Variants in SNX7 observed in about 807,000 individuals in gnomAD.
The protein encoded by SNX7 is sorting nexin-7.
SNX7 carries 35 observed loss-of-function variants against 48.4 expected under a neutral mutation model. The ratio of observed to expected loss-of-function variants is 0.72; its 90% CI spans 0.55 to 0.96. The LOEUF is 0.96. SNX7 is among the 40% of genes least tolerant of loss of function. The pLI, the probability that SNX7 is intolerant of heterozygous loss-of-function variation, is 0.00. For missense variants in SNX7, 553 were observed against 548.9 expected, an observed-to-expected ratio of 1.01 and a Z score of -0.07; for synonymous variants, 190 against 190.2, an observed-to-expected ratio of 1.00 and a Z score of 0.01.
chr1:98,667,924 AAAAAC>A (rs1304564650), intron 1 of SNX7, among the ~76,000 whole-genome samples: 3 of 151,904 alleles, frequency 2.0e-5, no homozygotes, highest in Non-Finnish European at 2.9e-5. Context: ...AAAAAACAAA[AAAAAC>A]AAAACAAACA....
intron 7 of SNX7, among the ~76,000 whole-genome samples, chr1:98,725,201 T>C (rs185669845): frequency 1.1e-3 from 169 of 152,334 alleles, no homozygotes; most frequent in African/African-American, 3.8e-3. Context: ...AATTTAAAAA[T>C]GGTTTAATCT....
At chr1:98,735,146 A>G (rs1653710939) in intron 7 of SNX7, among the ~76,000 whole-genome samples, 1 of 152,144 alleles carries the variant, frequency 6.6e-6, no homozygotes, top group African/African-American at 2.4e-5. Context: ...ACTTGGATGG[A>G]CAGCACAGTC....
chr1:98,716,118 T>C (rs1652576714), intron 7 of SNX7, among the ~76,000 whole-genome samples: 1 of 152,158 alleles, frequency 6.6e-6, no homozygotes, highest in Non-Finnish European at 1.5e-5. Context: ...CTTATTTGAT[T>C]AATCCCCCTG....
At chr1:98,662,258 G>A (rs1052001930) in intron 1 of SNX7, 2 of 184,300 alleles carry the variant, frequency 1.1e-5, no homozygotes. Flanking sequence ...CTGGGAGGCT[G>A]GTGGCTCAAA....
At chr1:98,735,184 C>T (rs1306784239) in intron 7 of SNX7, among the ~76,000 whole-genome samples, 1 of 151,970 alleles carries the variant, frequency 6.6e-6, no homozygotes. Flanking sequence ...TACCAAAGAA[C>T]GTAGTAAAAT....
chr1:98,703,411 C>A (rs1020315631), intron 7 of SNX7, among the ~76,000 whole-genome samples: 5 of 152,068 alleles, frequency 3.3e-5, no homozygotes, highest in African/African-American at 1.2e-4. Context: ...ATTACTCTCA[C>A]GTTTCTTGAC....
At chr1:98,713,925 A>G (rs935577261) in intron 7 of SNX7, among the ~76,000 whole-genome samples, 1 of 152,212 alleles carries the variant, frequency 6.6e-6, no homozygotes, top group African/African-American at 2.4e-5. Context: ...TGTTGTAAGA[A>G]TTACCAAAAT....
intron 4 of SNX7, among the ~76,000 whole-genome samples, chr1:98,693,051 T>G (rs573209756): frequency 7.2e-5 from 11 of 152,162 alleles, no homozygotes; most frequent in Non-Finnish European, 1.6e-4. Flanking sequence ...AGTCCACATG[T>G]GTGGACCTGC....
chr1:98,700,891 C>G (rs1160306895), intron 6 of SNX7, among the ~76,000 whole-genome samples: 2 of 152,134 alleles, frequency 1.3e-5, no homozygotes, highest in African/African-American at 4.8e-5. Context: ...AGGCCCTTCT[C>G]TTTTATGTCC....
At chr1:98,758,274 G>A (rs1032809214) in intron 8 of SNX7, among the ~76,000 whole-genome samples, 16 of 152,016 alleles carry the variant, frequency 1.1e-4, no homozygotes, top group African/African-American at 3.9e-4. Flanking sequence ...CATGAGTATA[G>A]ACATTTGGAT....
intron 6 of SNX7, among the ~76,000 whole-genome samples, chr1:98,700,137 C>A (rs769419668): frequency 9.9e-5 from 15 of 152,072 alleles, no homozygotes; most frequent in Non-Finnish European, 1.8e-4. Context: ...TATAGGTCCT[C>A]GTTTGATTGA....
At chr1:98,672,787 G>A (rs925619774) in intron 1 of SNX7, among the ~76,000 whole-genome samples, 2 of 150,670 alleles carry the variant, frequency 1.3e-5, no homozygotes, top group East Asian at 2.0e-4. Flanking sequence ...AGCCGGGCGC[G>A]GTGGCGGGCG....
chr1:98,672,576 A>C (rs1649928003), intron 1 of SNX7, among the ~76,000 whole-genome samples: 2 of 151,814 alleles, frequency 1.3e-5, no homozygotes, highest in Admixed American at 1.3e-4. Context: ...GAATAAAACC[A>C]AATTTTTAGA....
chr1:98,673,491 C>A (rs1649990004), intron 1 of SNX7, among the ~76,000 whole-genome samples: 1 of 152,180 alleles, frequency 6.6e-6, no homozygotes, highest in Non-Finnish European at 1.5e-5. Context: ...TCTTACTTAT[C>A]TATATATTTA....
chr1:98,724,525 G>T (rs1570574024), intron 7 of SNX7, among the ~76,000 whole-genome samples: 1 of 152,042 alleles, frequency 6.6e-6, no homozygotes, highest in East Asian at 1.9e-4. Flanking sequence ...GACATTAGGG[G>T]CTTAGTAATA....
At chr1:98,694,369 CAA>C (rs775800995) in intron 4 of SNX7, among the ~76,000 whole-genome samples, 19 of 54,064 alleles carry the variant, frequency 3.5e-4, no homozygotes, top group East Asian at 5.8e-4. Context: ...GACTCCGTCT[CAA>C]AAAAAAAAAA....
chr1:98,760,204 C>A lies in SNX7; in HGVS notation c.*73C>A. 2.0e-5 allele frequency: 24 copies of A among 1,199,220 alleles called. 1 individual carries two copies. In the South Asian group the frequency reaches 3.0e-4, roughly 15 times the overall value. 74.3% of individuals were successfully genotyped at this position (1,199,220 alleles called of 1,614,324 possible). On this transcript the variant is annotated 3_prime_UTR_variant, in exon 9 of 9. Transcript: ENST00000306121. ...CCAAAGTTATTCTTTCTGGATCTGCCGTGTCCTTATAAAGTGGATGAAAAA... is the reference window on the plus strand; with the variant it reads ...CCAAAGTTATTCTTTCTGGATCTGCAGTGTCCTTATAAAGTGGATGAAAAA...
intron 8 of SNX7, among the ~76,000 whole-genome samples, chr1:98,748,753 A>G (rs1332403686): frequency 1.3e-5 from 2 of 151,878 alleles, no homozygotes; most frequent in Non-Finnish European, 2.9e-5. Context: ...TGCATTAGCT[A>G]ATTATAAAGT....
At chr1:98,711,697 G>A (rs9727115) in intron 7 of SNX7, among the ~76,000 whole-genome samples, 55,633 of 152,016 alleles carry the variant, frequency 0.37, 10,390 homozygotes, top group African/African-American at 0.41. Flanking sequence ...GACTGATTAC[G>A]TGTTGGTTGA....
Sources: gnomAD v4.1 joint callset for allele counts (sites outside exome capture counted in the v4.1 genomes callset) on GRCh38, gnomAD v4.1.1 for gene constraint, MANE v1.5 for transcripts, NCBI Gene and HGNC (gene_info 2026-07-23, HGNC 2026-07-21) for gene names.